Variants in DCC observed in about 807,000 individuals in gnomAD.
DCC encodes netrin receptor DCC.
In DCC, 58 loss-of-function variants were observed where a neutral mutation model predicts 172.5. That is an observed-to-expected ratio of 0.34 (90% confidence interval 0.27 to 0.42). The LOEUF (loss-of-function observed/expected upper bound fraction) is 0.42. DCC is among the 10% of genes least tolerant of loss of function. The pLI, the probability that DCC is intolerant of heterozygous loss-of-function variation, is 1.00. For synonymous variants in DCC, 709 were observed against 644.5 expected, an observed-to-expected ratio of 1.10 and a Z score of -1.52; for missense variants, 1,740 against 1,791.0, an observed-to-expected ratio of 0.97 and a Z score of 0.51.
In DCC at chr18:53,526,525, A is replaced by G. The variant is rs1026863765; in HGVS notation, c.4112-92A>G. Reference sequence around the variant, plus strand: ...CAGAATGAGCAATAACCTAAAATCAATGCCAATCTCCTGGATATGGTGTAT... The same window carrying G: ...CAGAATGAGCAATAACCTAAAATCAGTGCCAATCTCCTGGATATGGTGTAT... On this transcript the variant is annotated intron_variant, in intron 27 of 28. Transcript: ENST00000442544. 33 of 1,343,338 alleles carry G rather than the reference A, an allele frequency of 2.5e-5. No individual in the cohort carries two copies. In the African/African-American group the frequency reaches 3.9e-4, roughly 16 times the overall value. The allele number at this position is 1,343,338 out of a possible 1,614,324, so 83.2% of individuals were successfully genotyped here. A position where few individuals can be genotyped will look rare whatever the true frequency, so the allele number is the denominator to read the frequency against.
intron 1 of DCC, among the ~76,000 whole-genome samples, chr18:52,358,880 C>G (rs1338792251): frequency 2.6e-5 from 4 of 152,186 alleles, no homozygotes; most frequent in Non-Finnish European, 5.9e-5. Flanking sequence ...TGCTTTAGAA[C>G]GTTTCCAGTG....
At chr18:52,472,953 G>A (rs1050838223) in intron 1 of DCC, among the ~76,000 whole-genome samples, 2 of 152,086 alleles carry the variant, frequency 1.3e-5, no homozygotes, top group African/African-American at 4.8e-5. Context: ...ATTTCGTAGA[G>A]CCTTAAACCA....
At chr18:52,600,528 G>A (rs2033995485) in intron 1 of DCC, among the ~76,000 whole-genome samples, 1 of 152,078 alleles carries the variant, frequency 6.6e-6, no homozygotes, top group African/African-American at 2.4e-5. Flanking sequence ...AGCTCATCAA[G>A]TTGCCACTAA....
At chr18:52,717,978 C>A (rs1443390218) in intron 1 of DCC, among the ~76,000 whole-genome samples, 1 of 152,112 alleles carries the variant, frequency 6.6e-6, no homozygotes, top group Non-Finnish European at 1.5e-5. Flanking sequence ...CGCCTGAAAC[C>A]AAAACCTCAG....
intron 14 of DCC, among the ~76,000 whole-genome samples, chr18:53,327,111 T>C (rs973231246): frequency 1.3e-5 from 2 of 152,170 alleles, no homozygotes; most frequent in Middle Eastern, 3.2e-3. Flanking sequence ...TCAACTTGGC[T>C]TAAGCATTGT....
chr18:53,308,744 C>T (rs988260017), intron 13 of DCC, among the ~76,000 whole-genome samples: 1 of 152,168 alleles, frequency 6.6e-6, no homozygotes, highest in Non-Finnish European at 1.5e-5. Context: ...AAACGCAGTA[C>T]GGCAACTATT....
At chr18:53,407,340 T>C (rs768593516) in intron 19 of DCC, among the ~76,000 whole-genome samples, 9 of 151,792 alleles carry the variant, frequency 5.9e-5, no homozygotes, top group Non-Finnish European at 1.2e-4. Context: ...TATGTGAATA[T>C]GATTTTATTA....
At chr18:52,564,000 T>C (rs1011865327) in intron 1 of DCC, among the ~76,000 whole-genome samples, 3 of 152,174 alleles carry the variant, frequency 2.0e-5, no homozygotes, top group Non-Finnish European at 4.4e-5. Context: ...GCATTCCTAA[T>C]AGTAAAAAGT....
At chr18:52,869,361 G>C (rs979236512) in intron 2 of DCC, among the ~76,000 whole-genome samples, 1 of 152,184 alleles carries the variant, frequency 6.6e-6, no homozygotes, top group Non-Finnish European at 1.5e-5. Context: ...ATAGCTGGTC[G>C]TCCTGTTGTC....
At chr18:53,060,602 C>G (rs1222939341) in intron 5 of DCC, among the ~76,000 whole-genome samples, 2 of 152,134 alleles carry the variant, frequency 1.3e-5, no homozygotes, top group African/African-American at 4.8e-5. Flanking sequence ...TGGTACTTAA[C>G]AATATTACAA....
At chr18:53,215,330 T>C (rs2055829228) in intron 11 of DCC, among the ~76,000 whole-genome samples, 1 of 151,248 alleles carries the variant, frequency 6.6e-6, no homozygotes, top group South Asian at 2.1e-4. Context: ...GCTCCCTACA[T>C]AGGTAAGTTA....
chr18:52,830,356 CT>C (rs2038590931), intron 2 of DCC, among the ~76,000 whole-genome samples: 1 of 152,162 alleles, frequency 6.6e-6, no homozygotes, highest in Admixed American at 6.5e-5. Flanking sequence ...AATTCTTCTT[CT>C]AGTGTGTTCC....
rs556538836 is a variant in DCC at position 52,700,170 on chromosome 18, A to G, written c.92-51884A>G. On this transcript the variant is annotated intron_variant, in intron 1 of 28. Transcript: ENST00000442544. ...CCCACACACACACACATGCACACGC[A>G]CACACACATGCACACGCACACACAC... Among the ~76,000 whole-genome samples, 1,210 of 150,210 alleles carry G rather than the reference A, an allele frequency of 8.1e-3. 6 individuals are homozygous for G. The highest frequency in any genetic ancestry group is 0.013 in the Non-Finnish European group (887 of 67,784).
chr18:52,455,828 A>G (rs746354963), intron 1 of DCC, among the ~76,000 whole-genome samples: 39 of 152,198 alleles, frequency 2.6e-4, no homozygotes, highest in South Asian at 8.3e-4. Context: ...TAAGCATCCA[A>G]TGAATGTTAG....
chr18:53,259,782 C>G (rs1470997498), intron 12 of DCC, among the ~76,000 whole-genome samples: 1 of 152,164 alleles, frequency 6.6e-6, no homozygotes, highest in Non-Finnish European at 1.5e-5. Context: ...GGGAAGTTCT[C>G]CTGGATAATA....
At chr18:52,367,528 C>A (rs181000855) in intron 1 of DCC, among the ~76,000 whole-genome samples, 1 of 152,328 alleles carries the variant, frequency 6.6e-6, no homozygotes, top group Admixed American at 6.5e-5. Context: ...GATCTAATCT[C>A]AACTTCTCTG....
intron 8 of DCC, among the ~76,000 whole-genome samples, chr18:53,178,443 G>A (rs1441037177): frequency 1.3e-5 from 2 of 152,196 alleles, no homozygotes; most frequent in Non-Finnish European, 2.9e-5. Context: ...TGCACTTAAA[G>A]TAACCACAGG....
chr18:53,246,844 G>T (rs2144649491), intron 12 of DCC, among the ~76,000 whole-genome samples: 1 of 152,210 alleles, frequency 6.6e-6, no homozygotes, highest in South Asian at 2.1e-4. Flanking sequence ...AACAGTAGCA[G>T]ATGGAACAGT....
At chr18:52,920,445 G>C (rs2040105252) in intron 3 of DCC, among the ~76,000 whole-genome samples, 1 of 151,934 alleles carries the variant, frequency 6.6e-6, no homozygotes, top group Non-Finnish European at 1.5e-5. Context: ...ATAAGAATAT[G>C]TTTAACATAT....
Sources: gnomAD v4.1 joint callset for allele counts (sites outside exome capture counted in the v4.1 genomes callset) on GRCh38, gnomAD v4.1.1 for gene constraint, MANE v1.5 for transcripts, NCBI Gene and HGNC (gene_info 2026-07-23, HGNC 2026-07-21) for gene names.